MTF2: variants seen among roughly 807,000 people sequenced by gnomAD.
MTF2 encodes metal-response element-binding transcription factor 2.
In MTF2, 11 loss-of-function variants were observed where a neutral mutation model predicts 79.5. That is an observed-to-expected ratio of 0.14 (90% CI 0.09 to 0.23). The LOEUF (loss-of-function observed/expected upper bound fraction) is 0.23, where lower values mean the gene tolerates loss of function less well. Ranked by LOEUF, MTF2 falls within the 10% of genes least tolerant of loss-of-function variation. MTF2 has a pLI of 1.00. For synonymous variants in MTF2, 208 were observed against 232.8 expected, an observed-to-expected ratio of 0.89 and a Z score of 0.97; for missense variants, 486 against 711.2, an observed-to-expected ratio of 0.68 and a Z score of 3.60.
At chr1:93,091,566 C>T (rs543143138) in intron 1 of MTF2, among the ~76,000 whole-genome samples, 3 of 152,096 alleles carry the variant, frequency 2.0e-5, no homozygotes, top group Non-Finnish European at 4.4e-5. Context: ...TTTCATGAAC[C>T]ATTAACTGGT....
At chr1:93,080,684 T>C (rs1454768186) in intron 1 of MTF2, among the ~76,000 whole-genome samples, 1 of 152,120 alleles carries the variant, frequency 6.6e-6, no homozygotes, top group Non-Finnish European at 1.5e-5. Flanking sequence ...CTCCTTCAGA[T>C]GGATTCCATG....
chr1:93,126,444 G>A (rs1323249687), intron 9 of MTF2, among the ~76,000 whole-genome samples: 1 of 150,366 alleles, frequency 6.7e-6, no homozygotes, highest in African/African-American at 2.4e-5. Flanking sequence ...CATACTGGCT[G>A]TAATTTTGAA....
At chr1:93,126,138 A>G (rs1180427852) in intron 9 of MTF2, among the ~76,000 whole-genome samples, 1 of 140,622 alleles carries the variant, frequency 7.1e-6, no homozygotes, top group Non-Finnish European at 1.6e-5. Context: ...GGGAATGAGT[A>G]CCTAACTCGT....
At chr1:93,100,106 A>G (rs969862852) in intron 1 of MTF2, among the ~76,000 whole-genome samples, 1 of 152,192 alleles carries the variant, frequency 6.6e-6, no homozygotes, top group East Asian at 1.9e-4. Context: ...GAGAAGTATA[A>G]ACACATTATT....
chr1:93,080,404 A>G (rs775717304), intron 1 of MTF2, among the ~76,000 whole-genome samples: 41 of 152,262 alleles, frequency 2.7e-4, no homozygotes, highest in Admixed American at 1.6e-3. Flanking sequence ...AATTAGAGGG[A>G]ACAGATGGAT....
At chr1:93,127,352 A>G (rs1656741502) in intron 10 of MTF2, 53 bp downstream of exon 10, 2 of 1,147,712 alleles carry the variant, frequency 1.7e-6, no homozygotes, top group Non-Finnish European at 2.6e-6. Context: ...AGTAAGTATA[A>G]GGAATAATGG....
chr1:93,136,095 C>A (rs1413493445), intron 14 of MTF2, among the ~76,000 whole-genome samples: 1 of 152,154 alleles, frequency 6.6e-6, no homozygotes. Context: ...TCATTAAGTT[C>A]ATGAACATAG....
intron 9 of MTF2, among the ~76,000 whole-genome samples, chr1:93,122,655 A>T (rs1656529998): frequency 1.3e-5 from 2 of 152,154 alleles, no homozygotes; most frequent in South Asian, 4.1e-4. Context: ...TTGACCATCA[A>T]ATTTATTACT....
In MTF2 at chr1:93,085,476, C is replaced by CT. The variant is rs71094225; in HGVS notation, c.5+5964dup. On this transcript the variant is annotated intron_variant, in intron 1 of 14. Coordinates refer to ENST00000370298, the MANE Select transcript of MTF2 (RefSeq NM_007358.4). Reference sequence around the variant, plus strand: ...ACAGGCGTGAGCCACTGCACCCGGCCTTTTTTTTTTTTTTTTTTTCTTCAT... The same window carrying CT: ...ACAGGCGTGAGCCACTGCACCCGGCCTTTTTTTTTTTTTTTTTTTTCTTCAT... 8.4e-3 allele frequency among the ~76,000 whole-genome samples: 837 copies of CT among 99,592 alleles called. 24 individuals are homozygous for CT. Among genetic ancestry groups the CT allele is most frequent in the African/African-American group, 0.028 (793 of 28,668 alleles). The allele number at this position is 99,592 out of a possible 152,430, so 65.3% of individuals were successfully genotyped here.
intron 9 of MTF2, among the ~76,000 whole-genome samples, chr1:93,124,694 A>G (rs1376355590): frequency 6.6e-6 from 1 of 152,020 alleles, no homozygotes; most frequent in Admixed American, 6.6e-5. Flanking sequence ...AGCATATAGT[A>G]TGGTGGTTAG....
intron 1 of MTF2, among the ~76,000 whole-genome samples, chr1:93,108,804 A>G (rs1321902511): frequency 1.3e-5 from 2 of 151,974 alleles, no homozygotes; most frequent in Non-Finnish European, 2.9e-5. Context: ...AACACTCCGT[A>G]CCCATTAAAC....
chr1:93,096,113 A>G (rs781226784), intron 1 of MTF2, among the ~76,000 whole-genome samples: 1 of 152,152 alleles, frequency 6.6e-6, no homozygotes, highest in African/African-American at 2.4e-5. Flanking sequence ...CTTATTTTAC[A>G]AGTGTTCATT....
Position 93,129,432 on chromosome 1 carries a change from C to T in MTF2, c.1144C>T (p.Pro382Ser). Residue 382 changes from proline to serine, a missense_variant, in exon 11 of 15, where the codon CCT becomes TCT. By Grantham distance (74) the Pro-to-Ser change is moderately conservative. This residue lies in a region of MTF2 where 209 missense variants were observed against 206.5 expected (regional missense o/e 1.01). Coordinates refer to ENST00000370298, the MANE Select transcript of MTF2 (RefSeq NM_007358.4). ...FKIKGRKASK[P>S]ISDSREVSNG... is the part of the protein sequence containing the mutation. The stretch of plus-strand genomic sequence containing the variant: ...AATTAAAGGCAGAAAGGCATCCAAA[C>T]CTATATCTGATTCAAGGTAAAAGTT... The T allele has an allele frequency of 6.6e-7, 1 of 1,517,578 alleles. No homozygotes were observed. The highest frequency in any genetic ancestry group is 8.9e-7 in the Non-Finnish European group (1 of 1,122,942). The allele number at this position is 1,517,578 out of a possible 1,614,324, so 94.0% of individuals were successfully genotyped here. A position where few individuals can be genotyped will look rare whatever the true frequency, so the allele number is the denominator to read the frequency against.
chr1:93,095,582 C>T (rs1226517436), intron 1 of MTF2, among the ~76,000 whole-genome samples: 1 of 151,856 alleles, frequency 6.6e-6, no homozygotes, highest in South Asian at 2.1e-4. Flanking sequence ...CTCAGTGATC[C>T]GCCCACATTG....
chr1:93,084,156 A>AT (rs1002844336), intron 1 of MTF2, among the ~76,000 whole-genome samples: 9 of 151,908 alleles, frequency 5.9e-5, no homozygotes, highest in East Asian at 1.9e-4. Flanking sequence ...TTTTGAGTCA[A>AT]TTTTTTATAT....
At chr1:93,114,227 G>A (rs1406947822) in intron 3 of MTF2, among the ~76,000 whole-genome samples, 2 of 152,190 alleles carry the variant, frequency 1.3e-5, no homozygotes, top group African/African-American at 4.8e-5. Flanking sequence ...TGAATTGAGC[G>A]AGAAAGAGGT....
intron 9 of MTF2, among the ~76,000 whole-genome samples, chr1:93,122,127 A>T (rs1656507965): frequency 6.6e-6 from 1 of 152,196 alleles, no homozygotes; most frequent in Admixed American, 6.5e-5. Flanking sequence ...TAATAAACTG[A>T]TTAGTAATCA....
chr1:93,107,864 T>A (rs1655866617), intron 1 of MTF2, among the ~76,000 whole-genome samples: 1 of 152,184 alleles, frequency 6.6e-6, no homozygotes, highest in African/African-American at 2.4e-5. Context: ...CACTGCAGTC[T>A]CGACCTCCTG....
intron 1 of MTF2, among the ~76,000 whole-genome samples, chr1:93,101,568 G>GTTTTTTTTTTTGTTTTTTTTT (rs1655536803): frequency 3.9e-5 from 1 of 25,398 alleles, no homozygotes; most frequent in African/African-American, 1.5e-4. Context: ...GCTCAGGCTG[G>GTTTTTTTTTTTGTTTTTTTTT]TTTTTTTTTT....
Sources: allele counts gnomAD v4.1 joint callset (sites outside exome capture counted in the v4.1 genomes callset), GRCh38; gene constraint gnomAD v4.1.1; regional missense constraint gnomAD v4.1.1; transcripts MANE v1.5; gene names NCBI Gene and HGNC (gene_info 2026-07-23, HGNC 2026-07-21).